The following CDK19 variants were observed in gnomAD, a reference collection of about 807,000 sequenced individuals.
The protein encoded by CDK19 is cyclin-dependent kinase 19.
In CDK19, 20 loss-of-function variants were observed where a neutral mutation model predicts 68.3. That is an observed-to-expected ratio of 0.29 (90% CI 0.21 to 0.43). The LOEUF is 0.43. Among genes scored for constraint, CDK19 ranks in the 20% least tolerant of loss-of-function variants. CDK19 has a pLI of 1.00. For synonymous variants in CDK19, 221 were observed against 222.8 expected (o/e 0.99, Z 0.07); for missense variants, 339 against 623.5 (o/e 0.54, Z 4.86).
chr6:110,726,134 T>G (rs1776297600), intron 2 of CDK19, among the ~76,000 whole-genome samples: 1 of 152,098 alleles, frequency 6.6e-6, no homozygotes. Context: ...CTTATCTGAT[T>G]GGGAAAAAAA....
intron 2 of CDK19, among the ~76,000 whole-genome samples, chr6:110,717,520 A>G (rs1775500330): frequency 6.6e-6 from 1 of 152,210 alleles, no homozygotes; most frequent in Admixed American, 6.5e-5. Flanking sequence ...ATTATGACTC[A>G]TCTTTTCAAG....
At chr6:110,809,347 G>A (rs1031675352) in intron 1 of CDK19, among the ~76,000 whole-genome samples, 1 of 151,884 alleles carries the variant, frequency 6.6e-6, no homozygotes, top group Non-Finnish European at 1.5e-5. Context: ...AACACAGTGA[G>A]ACCTCGTCTC....
intron 5 of CDK19, among the ~76,000 whole-genome samples, 180 bp from the exon 6 acceptor site, chr6:110,632,341 G>A (rs1223836998): frequency 2.0e-5 from 3 of 152,114 alleles, no homozygotes; most frequent in African/African-American, 7.2e-5. Flanking sequence ...TCTACACCAA[G>A]TACCAGAAAG....
chr6:110,793,777 T>G (rs980778766), intron 1 of CDK19, among the ~76,000 whole-genome samples: 1 of 152,128 alleles, frequency 6.6e-6, no homozygotes, highest in Non-Finnish European at 1.5e-5. Flanking sequence ...CCCTTCTTCC[T>G]GACTAGAATG....
chr6:110,810,640 G>A (rs1783015009), intron 1 of CDK19, among the ~76,000 whole-genome samples: 1 of 152,088 alleles, frequency 6.6e-6, no homozygotes, highest in African/African-American at 2.4e-5. Flanking sequence ...CAGGCGTGGT[G>A]GTGCATGCCT....
At chr6:110,614,762 T>C (rs890208313) in intron 12 of CDK19, 96 bp from the exon 13 acceptor site, 1 of 1,284,702 alleles carries the variant, frequency 7.8e-7, no homozygotes, top group Non-Finnish European at 1.1e-6. Flanking sequence ...GCCGTTTTCA[T>C]TAGGTTCCTG....
intron 12 of CDK19, among the ~76,000 whole-genome samples, chr6:110,620,868 G>A (rs1179037477): frequency 3.3e-5 from 5 of 152,064 alleles, no homozygotes; most frequent in Non-Finnish European, 7.4e-5. Flanking sequence ...CTTTAAGGAT[G>A]GGGGCACTGG....
At chr6:110,726,792 T>A (rs1776345673) in intron 2 of CDK19, among the ~76,000 whole-genome samples, 1 of 152,162 alleles carries the variant, frequency 6.6e-6, no homozygotes, top group African/African-American at 2.4e-5. Flanking sequence ...ATTGCAGTCA[T>A]TTTGCTACAG....
chr6:110,794,419 T>TG, intron 1 of CDK19, among the ~76,000 whole-genome samples: 1 of 150,104 alleles, frequency 6.7e-6, no homozygotes. Context: ...TTTTTTTTTT[T>TG]TTGAGACGCG....
At chr6:110,670,379 T>C (rs1770894791) in intron 3 of CDK19, 52 bp downstream of exon 3, 2 of 921,602 alleles carry the variant, frequency 2.2e-6, no homozygotes, top group Admixed American at 1.9e-5. Flanking sequence ...TATATAAATA[T>C]GCTCCATACC....
chr6:110,614,440 G>A lies in CDK19; in HGVS notation c.*95C>T. 1.7e-6 allele frequency: 2 copies of A among 1,188,262 alleles called. No individual in the cohort carries two copies. Among genetic ancestry groups the A allele is most frequent in the Non-Finnish European group, 2.4e-6 (2 of 832,304 alleles). 73.6% of individuals were successfully genotyped at this position (1,188,262 alleles called of 1,614,324 possible). A position where few individuals can be genotyped will look rare whatever the true frequency, so the allele number is the denominator to read the frequency against. ...CTCCCATGTGTATGAGTTTTAAATG[G>A]CATCATAGTTTGCATTTTTTTGGTT... On this transcript the variant is annotated 3_prime_UTR_variant, in exon 13 of 13. Coordinates refer to ENST00000368911, the MANE Select transcript of CDK19 (RefSeq NM_015076.5).
intron 2 of CDK19, among the ~76,000 whole-genome samples, chr6:110,723,572 C>G (rs1185749798): frequency 6.6e-6 from 1 of 152,162 alleles, no homozygotes; most frequent in Admixed American, 6.5e-5. Context: ...AGGTTCCTGA[C>G]CTACAAAATA....
chr6:110,728,214 G>A (rs978494072), intron 2 of CDK19, among the ~76,000 whole-genome samples: 1 of 151,636 alleles, frequency 6.6e-6, no homozygotes, highest in African/African-American at 2.4e-5. Context: ...CTTGAACCTG[G>A]GAAGCGGAGG....
At chr6:110,765,254 C>T (rs962462158) in intron 1 of CDK19, among the ~76,000 whole-genome samples, 6 of 151,808 alleles carry the variant, frequency 4.0e-5, no homozygotes, top group Admixed American at 2.0e-4. Context: ...CACGTCTCTA[C>T]AAAAAATTAA....
chr6:110,649,916 C>A (rs1382983712), intron 4 of CDK19, among the ~76,000 whole-genome samples: 1 of 152,068 alleles, frequency 6.6e-6, no homozygotes, highest in Non-Finnish European at 1.5e-5. Context: ...CTTTGGAAAA[C>A]AATTTGGCAT....
intron 1 of CDK19, among the ~76,000 whole-genome samples, chr6:110,749,602 C>T (rs1294201808): frequency 7.9e-5 from 12 of 151,928 alleles, no homozygotes; most frequent in East Asian, 3.9e-4. Context: ...TCAAGTGATC[C>T]GCCCACCTCA....
intron 2 of CDK19, among the ~76,000 whole-genome samples, chr6:110,677,218 A>G (rs968541874): frequency 3.9e-5 from 6 of 152,178 alleles, no homozygotes; most frequent in Admixed American, 2.6e-4. Context: ...AAGGAATCAA[A>G]GCAAGAGATG....
At chr6:110,635,351 C>T (rs1562142541) in intron 5 of CDK19, among the ~76,000 whole-genome samples, 1 of 152,078 alleles carries the variant, frequency 6.6e-6, no homozygotes, top group Non-Finnish European at 1.5e-5. Flanking sequence ...TTTGTAAAAG[C>T]AGACTAAATT....
At chr6:110,656,573 A>G (rs1479139143) in intron 4 of CDK19, among the ~76,000 whole-genome samples, 3 of 152,232 alleles carry the variant, frequency 2.0e-5, no homozygotes, top group Non-Finnish European at 4.4e-5. Context: ...AAATGCTATG[A>G]CTAATTTCAT....
Sources: gnomAD v4.1 joint callset for allele counts (sites outside exome capture counted in the v4.1 genomes callset) on GRCh38, gnomAD v4.1.1 for gene constraint, MANE v1.5 for transcripts, NCBI Gene and HGNC (gene_info 2026-07-23, HGNC 2026-07-21) for gene names.